Variants in MYRIP observed in about 807,000 individuals in gnomAD.
The protein encoded by MYRIP is rab effector MyRIP.
In MYRIP, 49 loss-of-function variants were observed where a neutral mutation model predicts 98.0. That is an observed-to-expected ratio of 0.50 (90% CI 0.40 to 0.63). MYRIP has a LOEUF of 0.63. Among genes scored for constraint, MYRIP ranks in the 30% least tolerant of loss-of-function variants. The pLI is 0.00. For missense variants in MYRIP, 1,004 were observed against 1,058.2 expected (o/e 0.95, Z 0.71); for synonymous variants, 404 against 409.5 (o/e 0.99, Z 0.16).
At chr3:40,222,996 T>G (rs1332958391) in intron 11 of MYRIP, among the ~76,000 whole-genome samples, 5 of 152,150 alleles carry the variant, frequency 3.3e-5, no homozygotes, top group Non-Finnish European at 7.3e-5. Context: ...AATCTACATA[T>G]GAATTTCAAA....
At chr3:39,855,757 C>T (rs1298923146) in intron 1 of MYRIP, among the ~76,000 whole-genome samples, 2 of 152,148 alleles carry the variant, frequency 1.3e-5, no homozygotes, top group Non-Finnish European at 2.9e-5. Flanking sequence ...GCTTTTGGAC[C>T]TTGCCTATCC....
intron 3 of MYRIP, among the ~76,000 whole-genome samples, chr3:40,102,517 A>AT (rs1288011519): frequency 1.3e-5 from 2 of 152,078 alleles, no homozygotes; most frequent in Non-Finnish European, 2.9e-5. Flanking sequence ...TTTTAATGAG[A>AT]TTTAGGAGAC....
At chr3:40,155,470 A>G (rs902629668) in intron 4 of MYRIP, among the ~76,000 whole-genome samples, 5 of 152,172 alleles carry the variant, frequency 3.3e-5, no homozygotes, top group African/African-American at 1.2e-4. Context: ...ATGTGTCTTT[A>G]TAGCAACATG....
Position 40,244,620 on chromosome 3 carries a change from C to T in MYRIP, c.2262+13C>T, listed in dbSNP as rs1953128201. Reference sequence around the variant, plus strand: ...TGCTGAACTCCAGGTGAGAACTCTCCTCTCTGCCCACATGGGTCCTGCAGG... The same window carrying T: ...TGCTGAACTCCAGGTGAGAACTCTCTTCTCTGCCCACATGGGTCCTGCAGG... On this transcript the variant is annotated intron_variant, in intron 13 of 16. Coordinates refer to ENST00000302541, the MANE Select transcript of MYRIP (RefSeq NM_015460.4). 4.4e-6 allele frequency: 7 copies of T among 1,604,912 alleles called. No individual in the cohort carries two copies. The highest frequency in any genetic ancestry group is 6.0e-6 in the Non-Finnish European group (7 of 1,175,736).
intron 1 of MYRIP, among the ~76,000 whole-genome samples, chr3:39,817,242 G>A (rs941334635): frequency 2.6e-5 from 4 of 152,084 alleles, no homozygotes; most frequent in Admixed American, 6.5e-5. Context: ...GGTAAGGATC[G>A]AAAAAGAGAC....
At chr3:40,065,900 C>A (rs1948117243) in intron 3 of MYRIP, among the ~76,000 whole-genome samples, 1 of 152,142 alleles carries the variant, frequency 6.6e-6, no homozygotes, top group African/African-American at 2.4e-5. Flanking sequence ...GTTGAAGTCT[C>A]AGAGCCTGGA....
In MYRIP at chr3:40,156,310, C is replaced by T. The variant is rs993818744; in HGVS notation, c.469+5126C>T. 5.7e-3 allele frequency among the ~76,000 whole-genome samples: 862 copies of T among 151,980 alleles called. 5 individuals carry two copies. Among genetic ancestry groups the T allele is most frequent in the Non-Finnish European group, 8.0e-3 (544 of 67,944 alleles). On this transcript the variant is annotated intron_variant, in intron 4 of 16. Transcript: ENST00000302541. Reference sequence around the variant, plus strand: ...GAAAGATCAGATAGTTGTAGATATGCGGCATTATTTCTGAGGGCTCTGTTC... The same window carrying T: ...GAAAGATCAGATAGTTGTAGATATGTGGCATTATTTCTGAGGGCTCTGTTC...
intron 2 of MYRIP, among the ~76,000 whole-genome samples, chr3:40,000,232 A>G (rs1946488116): frequency 6.6e-6 from 1 of 152,214 alleles, no homozygotes; most frequent in African/African-American, 2.4e-5. Flanking sequence ...AATGTAGATT[A>G]ATAAATGTTA....
intron 1 of MYRIP, among the ~76,000 whole-genome samples, chr3:39,819,818 A>T (rs1391122703): frequency 6.6e-6 from 1 of 152,240 alleles, no homozygotes; most frequent in Admixed American, 6.5e-5. Flanking sequence ...GGAAAGTAAA[A>T]AGAACTTTAT....
chr3:39,841,739 G>A (rs551660055), intron 1 of MYRIP, among the ~76,000 whole-genome samples: 3 of 152,308 alleles, frequency 2.0e-5, no homozygotes, highest in Non-Finnish European at 4.4e-5. Context: ...GCTGGAGTTT[G>A]CTGGAGGTCC....
At chr3:40,222,189 G>C (rs143847642) in intron 11 of MYRIP, among the ~76,000 whole-genome samples, 280 of 152,362 alleles carry the variant, frequency 1.8e-3, no homozygotes, top group African/African-American at 5.8e-3. Context: ...CAGCAGCTCA[G>C]AGGCACTTCT....
At chr3:39,987,697 T>G (rs1946066707) in intron 2 of MYRIP, among the ~76,000 whole-genome samples, 1 of 152,238 alleles carries the variant, frequency 6.6e-6, no homozygotes, top group African/African-American at 2.4e-5. Flanking sequence ...TAATTGCCAT[T>G]CTGACTGGCA....
At chr3:40,072,602 T>A (rs1027038645) in intron 3 of MYRIP, among the ~76,000 whole-genome samples, 1 of 152,244 alleles carries the variant, frequency 6.6e-6, no homozygotes, top group Non-Finnish European at 1.5e-5. Context: ...TCAAAATATA[T>A]TCAAATTTCT....
chr3:40,196,753 G>A (rs1951404907), intron 10 of MYRIP, among the ~76,000 whole-genome samples: 1 of 152,138 alleles, frequency 6.6e-6, no homozygotes, highest in Non-Finnish European at 1.5e-5. Context: ...GTCTCTTGAA[G>A]GTCACATTCA....
At chr3:39,920,211 G>A (rs1485751709) in intron 2 of MYRIP, among the ~76,000 whole-genome samples, 2 of 152,084 alleles carry the variant, frequency 1.3e-5, no homozygotes, top group Non-Finnish European at 2.9e-5. Flanking sequence ...AATTGTGACT[G>A]GTTGATCTAG....
chr3:39,898,672 G>A (rs1943672512), intron 1 of MYRIP, among the ~76,000 whole-genome samples: 1 of 152,066 alleles, frequency 6.6e-6, no homozygotes, highest in East Asian at 1.9e-4. Flanking sequence ...TTTCTCATTT[G>A]TAAATGGTGG....
At chr3:39,901,637 A>G (rs1286736879) in intron 2 of MYRIP, among the ~76,000 whole-genome samples, 4 of 152,142 alleles carry the variant, frequency 2.6e-5, no homozygotes, top group Admixed American at 2.0e-4. Flanking sequence ...CATCTATAAA[A>G]CCTATTATTC....
intron 9 of MYRIP, among the ~76,000 whole-genome samples, chr3:40,184,074 T>G (rs1950961946): frequency 6.6e-6 from 1 of 152,242 alleles, no homozygotes; most frequent in Non-Finnish European, 1.5e-5. Context: ...TACTTATGTA[T>G]ATGGTGTTTG....
At chr3:40,023,612 G>A (rs577093364) in intron 2 of MYRIP, among the ~76,000 whole-genome samples, 17 of 152,222 alleles carry the variant, frequency 1.1e-4, no homozygotes, top group African/African-American at 3.1e-4. Context: ...ATGTAAAGCC[G>A]AAAAATGACG....
Sources: allele counts gnomAD v4.1 joint callset (sites outside exome capture counted in the v4.1 genomes callset), GRCh38; gene constraint gnomAD v4.1.1; transcripts MANE v1.5; gene names NCBI Gene and HGNC (gene_info 2026-07-23, HGNC 2026-07-21).